Variants in PTPRN2 observed in about 807,000 individuals in gnomAD.
PTPRN2 encodes protein tyrosine phosphatase receptor type N2, also known as receptor-type tyrosine-protein phosphatase N2.
Under a neutral mutation model 118.8 loss-of-function variants are expected in PTPRN2, and 74 were observed. The observed-to-expected ratio is 0.62, with a 90% CI of 0.52 to 0.76. The LOEUF is 0.76. Among genes scored for constraint, PTPRN2 ranks in the 30% least tolerant of loss-of-function variants. The pLI is 0.00. For synonymous variants in PTPRN2, 641 were observed against 608.0 expected, an observed-to-expected ratio of 1.05 and a Z score of -0.80; for missense variants, 1,481 against 1,394.4, an observed-to-expected ratio of 1.06 and a Z score of -0.99.
chr7:158,370,066 G>A (rs975008089), intron 2 of PTPRN2, among the ~76,000 whole-genome samples: 3 of 152,120 alleles, frequency 2.0e-5, no homozygotes, highest in African/African-American at 4.8e-5. Context: ...CGATGGGAAC[G>A]AGGTGATCAA....
chr7:158,495,541 A>ATAGC (rs1201922102), intron 1 of PTPRN2, among the ~76,000 whole-genome samples: 1 of 152,096 alleles, frequency 6.6e-6, no homozygotes, highest in East Asian at 1.9e-4. Flanking sequence ...TGCCTGGGCC[A>ATAGC]TAGCTACCCC....
At chr7:158,205,373 T>C (rs1352158597) in intron 3 of PTPRN2, 100 bp from the exon 4 acceptor site, 4 of 817,612 alleles carry the variant, frequency 4.9e-6, no homozygotes, top group Non-Finnish European at 8.2e-6. Context: ...ATTAAGTTGA[T>C]GGTCCCATCA....
chr7:157,869,060 G>A lies in PTPRN2; in HGVS notation c.1788+29613C>T, dbSNP rs1810897044. On this transcript the variant is annotated intron_variant, in intron 12 of 22. Coordinates refer to ENST00000389418, the MANE Select transcript of PTPRN2 (RefSeq NM_002847.5). The surrounding 1 kb of genome is among the most constrained non-coding windows in gnomAD (Gnocchi z 4.2). ...GACACGTGTAATTCCAAATCTGTAA[G>A]TACTAAGTTTTAAAATGCGTGTGAG... 1 of 152,254 alleles carries A rather than the reference G, an allele frequency of 6.6e-6. No homozygotes were observed. Among genetic ancestry groups the A allele is most frequent in the African/African-American group, 2.4e-5 (1 of 41,470 alleles). The allele number at this position is 152,254 out of a possible 1,614,324, so 9.4% of individuals were successfully genotyped here. A position where few individuals can be genotyped will look rare whatever the true frequency, so the allele number is the denominator to read the frequency against.
rs533104921 is a variant in PTPRN2 at position 157,590,372 on chromosome 7, C to T, written c.2496+4866G>A. 1.3e-5 allele frequency among the ~76,000 whole-genome samples: 2 copies of T among 152,284 alleles called. No homozygotes were observed. Among genetic ancestry groups the T allele is most frequent in the Admixed American group, 6.5e-5 (1 of 15,302 alleles). ...AGACCCCTCTGAGCTGGAGTAAGGACCAGGAATTCAGCCGAATGATTTGGA... is the reference window on the plus strand; with the variant it reads ...AGACCCCTCTGAGCTGGAGTAAGGATCAGGAATTCAGCCGAATGATTTGGA... On this transcript the variant is annotated intron_variant, in intron 17 of 22. Coordinates refer to ENST00000389418, the MANE Select transcript of PTPRN2 (RefSeq NM_002847.5). This position sits in a 1 kb window ranked among gnomAD's most constrained non-coding sequence, Gnocchi z 4.0.
chr7:158,026,137 A>C (rs1332886908), intron 11 of PTPRN2, among the ~76,000 whole-genome samples: 1 of 152,330 alleles, frequency 6.6e-6, no homozygotes, highest in South Asian at 2.1e-4. Context: ...GGAGGGAAGG[A>C]GCTCGGTGAG....
chr7:158,486,716 G>T (rs80075245), intron 2 of PTPRN2, among the ~76,000 whole-genome samples: 116 of 152,318 alleles, frequency 7.6e-4, no homozygotes, highest in African/African-American at 2.6e-3. Context: ...ATTCGATTAC[G>T]TTAAATGAGC....
rs1168343733 is a variant in PTPRN2, at chr7:158,113,013, GAGGGCCCCCCGGCATTT to G, written c.1557-2115_1557-2099del. 5.8e-4 allele frequency among the ~76,000 whole-genome samples: 87 copies of G among 151,084 alleles called. 1 individual carries two copies. Among genetic ancestry groups the G allele is most frequent in the South Asian group, 4.2e-3 (20 of 4,740 alleles). On this transcript the variant is annotated intron_variant, in intron 9 of 22. Coordinates refer to ENST00000389418, the MANE Select transcript of PTPRN2 (RefSeq NM_002847.5). Reference sequence around the variant, plus strand: ...CCAGCATTTAGGATCCCCCAGCATTGAGGGCCCCCCGGCATTTAGGGCCCCCCAGCATTGAGGGCCCC... The same window carrying G: ...CCAGCATTTAGGATCCCCCAGCATTGAGGGCCCCCCAGCATTGAGGGCCCC...
intron 2 of PTPRN2, among the ~76,000 whole-genome samples, chr7:158,322,530 A>G (rs7812034): frequency 0.4 from 59,892 of 150,084 alleles, 11,854 homozygotes; most frequent in Middle Eastern, 0.47. Flanking sequence ...ACCTGGCCCC[A>G]GTGGGCGGCC....
chr7:158,165,802 C>T (rs78537750), intron 6 of PTPRN2, among the ~76,000 whole-genome samples: 5,140 of 152,276 alleles, frequency 0.034, 265 homozygotes, highest in African/African-American at 0.11. Context: ...CACAAAGAGT[C>T]GCAGGAACCC....
At chr7:157,819,898 A>G (rs549369238) in intron 12 of PTPRN2, among the ~76,000 whole-genome samples, 2 of 151,704 alleles carry the variant, frequency 1.3e-5, no homozygotes, top group South Asian at 2.1e-4. Flanking sequence ...ACACATGCTT[A>G]TGTGCACACA....
In PTPRN2 at chr7:158,125,892, T is replaced by C. The variant is rs1223752635; in HGVS notation, c.1556+7785A>G. Among the ~76,000 whole-genome samples the C allele has an allele frequency of 2.0e-5, 3 of 152,154 alleles. 1 individual carries two copies. The highest frequency in any genetic ancestry group is 4.4e-5 in the Non-Finnish European group (3 of 68,012). On this transcript the variant is annotated intron_variant, in intron 9 of 22. Coordinates refer to ENST00000389418, the MANE Select transcript of PTPRN2 (RefSeq NM_002847.5). ...CAGTCCGGACCTCGGCTGCACCCCGTCCTGGCACCCTGCTGGTTCTCGTGA... is the reference window on the plus strand; with the variant it reads ...CAGTCCGGACCTCGGCTGCACCCCGCCCTGGCACCCTGCTGGTTCTCGTGA...
In PTPRN2 at chr7:158,541,837, G is replaced by A. The variant is rs138014408; in HGVS notation, c.112+45721C>T. 7.7e-4 allele frequency: 527 copies of A among 680,770 alleles called. 5 individuals are homozygous for A. In the African/African-American group the frequency reaches 9.5e-3, roughly 12 times the overall value. The allele number at this position is 680,770 out of a possible 1,614,324, so 42.2% of individuals were successfully genotyped here. ...AAGCTGAGAGACTGCAGAGCACCAC[G>A]CATGCGCATCACACCTGCTTCCAAT... On this transcript the variant is annotated intron_variant, in intron 1 of 22. Coordinates refer to ENST00000389418, the MANE Select transcript of PTPRN2 (RefSeq NM_002847.5).
At chr7:158,244,525 G>T (rs1356044281) in intron 3 of PTPRN2, among the ~76,000 whole-genome samples, 1 of 147,088 alleles carries the variant, frequency 6.8e-6, no homozygotes, top group East Asian at 2.0e-4. Flanking sequence ...TGTGTGTGAG[G>T]GTGTGTGTGA....
chr7:158,444,401 C>G (rs1817584674), intron 2 of PTPRN2, among the ~76,000 whole-genome samples: 1 of 152,270 alleles, frequency 6.6e-6, no homozygotes, highest in Non-Finnish European at 1.5e-5. Context: ...GTGTTTGTTT[C>G]TCCCTGAAAA....
intron 14 of PTPRN2, among the ~76,000 whole-genome samples, chr7:157,643,673 T>C (rs1030631132): frequency 2.8e-4 from 43 of 152,216 alleles, no homozygotes; most frequent in African/African-American, 9.2e-4. Flanking sequence ...CTCCAGCCTC[T>C]GTCTGCGCCC....
chr7:158,347,099 A>G (rs1166610530), intron 2 of PTPRN2, among the ~76,000 whole-genome samples: 1 of 151,566 alleles, frequency 6.6e-6, no homozygotes, highest in Non-Finnish European at 1.5e-5. Context: ...AGAGCTTTGT[A>G]TTTGATATAA....
At chr7:158,580,193 G>A (rs1828549609) in intron 1 of PTPRN2, among the ~76,000 whole-genome samples, 1 of 152,244 alleles carries the variant, frequency 6.6e-6, no homozygotes, top group Non-Finnish European at 1.5e-5. Context: ...CTATTTCAGA[G>A]AATGTACACA....
At chr7:158,433,468 T>TA (rs923693328) in intron 2 of PTPRN2, among the ~76,000 whole-genome samples, 5 of 151,978 alleles carry the variant, frequency 3.3e-5, no homozygotes, top group African/African-American at 4.8e-5. Context: ...GATCACAGGG[T>TA]AAAAAAAATA....
intron 11 of PTPRN2, among the ~76,000 whole-genome samples, chr7:158,039,380 G>T (rs1056102389): frequency 1.3e-5 from 2 of 152,194 alleles, no homozygotes; most frequent in East Asian, 3.9e-4. Flanking sequence ...CAGGTGTGCA[G>T]GTTCAGGCTG....
Sources: allele counts gnomAD v4.1 joint callset (sites outside exome capture counted in the v4.1 genomes callset), GRCh38; gene constraint gnomAD v4.1.1; non-coding constraint Gnocchi (gnomAD v3.1); transcripts MANE v1.5; gene names NCBI Gene and HGNC (gene_info 2026-07-23, HGNC 2026-07-21).